MYCBP2: variants seen among roughly 807,000 people sequenced by gnomAD.
MYCBP2 encodes the protein MYC binding protein 2.
Under a neutral mutation model 525.3 loss-of-function variants are expected in MYCBP2, and 120 were observed. The ratio of observed to expected loss-of-function variants is 0.23; its 90% CI spans 0.20 to 0.27. The LOEUF (loss-of-function observed/expected upper bound fraction) is 0.27. Among genes scored for constraint, MYCBP2 ranks in the 10% least tolerant of loss-of-function variants. MYCBP2 has a pLI of 1.00. For missense variants in MYCBP2, 4,149 were observed against 5,657.1 expected, an observed-to-expected ratio of 0.73 and a Z score of 8.55; for synonymous variants, 1,894 against 1,955.8, an observed-to-expected ratio of 0.97 and a Z score of 0.83.
chr13:77,257,690 G>T lies in MYCBP2; in HGVS notation c.2157C>A (p.Ala719=), dbSNP rs1321000911. The part of the protein sequence containing the change: ...NKGQCGRDTG[A]MNQGGKGFGV... Reference sequence around the variant, plus strand: ...ACCTACCTTTCCCACCTTGGTTCATGGCACCAGTATCTCGTCCACACTGTC... The same window carrying T: ...ACCTACCTTTCCCACCTTGGTTCATTGCACCAGTATCTCGTCCACACTGTC... Residue 719 remains alanine (A), a synonymous_variant, in exon 14 of 83, where the codon GCC becomes GCA. Coordinates refer to ENST00000544440, the MANE Select transcript of MYCBP2 (RefSeq NM_015057.5). The T allele has an allele frequency of 6.3e-7, 1 of 1,583,328 alleles. No homozygotes were observed. The highest frequency in any genetic ancestry group is 8.5e-7 in the Non-Finnish European group (1 of 1,169,874).
At chr13:77,234,672 CCATTT>C (rs2067628578) in intron 17 of MYCBP2, among the ~76,000 whole-genome samples, 1 of 151,818 alleles carries the variant, frequency 6.6e-6, no homozygotes, top group Non-Finnish European at 1.5e-5. Flanking sequence ...AAACTGAGTT[CCATTT>C]CTAAAATGTA....
intron 77 of MYCBP2, among the ~76,000 whole-genome samples, chr13:77,059,002 A>G (rs374476996): frequency 6.6e-6 from 1 of 152,196 alleles, no homozygotes; most frequent in East Asian, 1.9e-4. Flanking sequence ...TAAAAAATAA[A>G]AAAAGTTCCC....
intron 28 of MYCBP2, 91 bp from the exon 29 acceptor site, chr13:77,190,426 G>A (rs1387376755): frequency 2.6e-6 from 2 of 766,254 alleles, no homozygotes; most frequent in Admixed American, 2.4e-5. Flanking sequence ...TTATGTCAAT[G>A]AAAATGATTC....
chr13:77,288,505 G>T, intron 2 of MYCBP2, 129 bp from the exon 3 acceptor site: 2 of 812,198 alleles, frequency 2.5e-6, no homozygotes, highest in African/African-American at 1.7e-5. Context: ...AGCAGAGACA[G>T]TCTAAGTCTA....
chr13:77,261,619 C>T (rs760904839), intron 11 of MYCBP2, among the ~76,000 whole-genome samples: 9 of 151,922 alleles, frequency 5.9e-5, no homozygotes, highest in South Asian at 4.2e-4. Flanking sequence ...CTTCTATAGG[C>T]ACAATTCACA....
chr13:77,064,523 A>G, intron 73 of MYCBP2, 92 bp downstream of exon 73: 1 of 1,316,038 alleles, frequency 7.6e-7, no homozygotes, highest in South Asian at 1.5e-5. Flanking sequence ...ATGTTGACTT[A>G]GTGATTAAAA....
intron 55 of MYCBP2, 73 bp downstream of exon 55, chr13:77,121,297 TAAA>T (rs1369837325): frequency 1.6e-6 from 2 of 1,275,672 alleles, no homozygotes; most frequent in Non-Finnish European, 2.1e-6. Context: ...TGAACACAAA[TAAA>T]AAGTGTATAA....
chr13:77,188,930 A>G (rs370558587), intron 30 of MYCBP2, 21 bp downstream of exon 30: 68 of 1,567,750 alleles, frequency 4.3e-5, no homozygotes, highest in Non-Finnish European at 5.6e-5. Context: ...AAAAGCTGAA[A>G]TTTTTTAAAA....
chr13:77,260,462 C>T lies in MYCBP2; in HGVS notation c.1983G>A (p.Met661Ile), dbSNP rs1245000174. The T allele has an allele frequency of 4.4e-6, 7 of 1,606,580 alleles. No homozygotes were observed. Among genetic ancestry groups the T allele is most frequent in the Admixed American group, 1.7e-5 (1 of 58,376 alleles). Residue 661 changes from methionine (M) to isoleucine (I), a missense_variant, in exon 13 of 83, where the codon ATG (methionine) becomes ATA (isoleucine). Met to Ile is a conservative substitution (Grantham distance 10). This residue lies in a region of MYCBP2 where 262 missense variants were observed against 419.3 expected (regional missense o/e 0.62). Transcript: ENST00000544440. ...CAGAGTAAATGGCATCTTTTCCAAA[C>T]ATGTAGAGTTCTCCATCTTTAGAAA... ...SVISKDGELY[M>I]FGKDAIYSDS... is the part of the protein sequence containing the mutation.
rs549714315 is a variant in MYCBP2, at chr13:77,136,277, G to C, written c.7659+2919C>G. ...GCCACCCTCCCATGGCAATGTAATA[G>C]AGTATCTCATTTGTTAAAGTGCCCT... On this transcript the variant is annotated intron_variant, in intron 52 of 82. Transcript: ENST00000544440. Among the ~76,000 whole-genome samples, 3 of 152,284 alleles carry C rather than the reference G, an allele frequency of 2.0e-5. No individual in the cohort carries two copies. In the South Asian group the frequency reaches 6.2e-4, roughly 32 times the overall value.
At chr13:77,294,202 ATTTTAAAAATAAC>A (rs2077934207) in intron 2 of MYCBP2, among the ~76,000 whole-genome samples, 1 of 146,150 alleles carries the variant, frequency 6.8e-6, no homozygotes, top group South Asian at 2.2e-4. Context: ...GCTAAATGGC[ATTTTAAAAATAAC>A]TTTCAGAAAG....
intron 1 of MYCBP2, among the ~76,000 whole-genome samples, chr13:77,297,572 GA>G (rs2078326088): frequency 1.3e-5 from 2 of 152,086 alleles, no homozygotes; most frequent in Admixed American, 1.3e-4. Flanking sequence ...AGTGACAAAA[GA>G]GAAAAATTTT....
chr13:77,197,631 C>CT (rs1303069284), intron 26 of MYCBP2, among the ~76,000 whole-genome samples: 5 of 152,062 alleles, frequency 3.3e-5, no homozygotes, highest in Non-Finnish European at 5.9e-5. Flanking sequence ...GAAAGAGGGC[C>CT]TAGGGCTGGG....
chr13:77,091,196 G>A (rs981617797), intron 59 of MYCBP2, among the ~76,000 whole-genome samples: 2 of 152,008 alleles, frequency 1.3e-5, no homozygotes, highest in Admixed American at 1.3e-4. Flanking sequence ...CTAAGCTTAT[G>A]TACATTCTTG....
intron 30 of MYCBP2, among the ~76,000 whole-genome samples, chr13:77,187,394 G>C (rs533846546): frequency 3.1e-4 from 47 of 152,238 alleles, no homozygotes; most frequent in African/African-American, 1.1e-3. Context: ...CTTTTGGAAG[G>C]TCAACTTTGA....
chr13:77,290,810 CAT>C (rs1405358699), intron 2 of MYCBP2, among the ~76,000 whole-genome samples: 1 of 152,170 alleles, frequency 6.6e-6, no homozygotes, highest in Non-Finnish European at 1.5e-5. Flanking sequence ...TGGACCTACA[CAT>C]GTGATAAAAT....
chr13:77,062,591 C>A lies in MYCBP2; in HGVS notation c.12774+5G>T, dbSNP rs1386305284. On this transcript the variant is annotated splice_donor_5th_base_variant and intron_variant, in intron 74 of 82. Transcript: ENST00000544440. Reference sequence around the variant, plus strand: ...AGATAAATTCTTACAAAATTCTGATCTTACCATTTGTTTTTGTTGTCCATC... The same window carrying A: ...AGATAAATTCTTACAAAATTCTGATATTACCATTTGTTTTTGTTGTCCATC... 1.2e-6 allele frequency: 2 copies of A among 1,610,964 alleles called. No individual in the cohort carries two copies. Among genetic ancestry groups the A allele is most frequent in the Non-Finnish European group, 1.7e-6 (2 of 1,177,118 alleles).
chr13:77,317,717 T>C (rs1186460512), intron 1 of MYCBP2, among the ~76,000 whole-genome samples: 1 of 152,122 alleles, frequency 6.6e-6, no homozygotes, highest in East Asian at 1.9e-4. Context: ...CGTGGCCGGA[T>C]CACGAGGTCA....
intron 17 of MYCBP2, among the ~76,000 whole-genome samples, chr13:77,240,552 G>A (rs1225645192): frequency 6.6e-6 from 1 of 152,084 alleles, no homozygotes; most frequent in Non-Finnish European, 1.5e-5. Context: ...AGGTTGCAGT[G>A]GGCCAAGATT....
Sources: allele counts gnomAD v4.1 joint callset (sites outside exome capture counted in the v4.1 genomes callset), GRCh38; gene constraint gnomAD v4.1.1; regional missense constraint gnomAD v4.1.1; transcripts MANE v1.5; gene names NCBI Gene and HGNC (gene_info 2026-07-23, HGNC 2026-07-21).